Variants in VPS45 observed in about 807,000 individuals in gnomAD.
The protein encoded by VPS45 is vacuolar protein sorting-associated protein 45.
In VPS45, 35 loss-of-function variants were observed where a neutral mutation model predicts 75.9. The ratio of observed to expected loss-of-function variants is 0.46; its 90% CI spans 0.35 to 0.61. The LOEUF is 0.61. Among genes scored for constraint, VPS45 ranks in the 20% least tolerant of loss-of-function variants. VPS45 has a pLI of 0.00. For synonymous variants in VPS45, 220 were observed against 238.2 expected, an observed-to-expected ratio of 0.92 and a Z score of 0.70; for missense variants, 559 against 685.9, an observed-to-expected ratio of 0.81 and a Z score of 2.07.
Position 150,071,513 on chromosome 1 carries a change from G to A in VPS45, c.229-653G>A, listed in dbSNP as rs186454899. On this transcript the variant is annotated intron_variant, in intron 2 of 14. Coordinates refer to ENST00000644510, the MANE Select transcript of VPS45 (RefSeq NM_007259.5). ...TATAGGAATTTTGATCAGGCCAGGC[G>A]CAGTGGCTCATGCCTGTAATCCTAA... Among the ~76,000 whole-genome samples the A allele has an allele frequency of 3.3e-4, 50 of 152,286 alleles. 1 individual carries two copies. The highest frequency in any genetic ancestry group is 1.1e-3 in the Admixed American group (17 of 15,302).
At chr1:150,081,304 C>A in intron 7 of VPS45, 38 bp from the exon 8 acceptor site, 1 of 1,561,538 alleles carries the variant, frequency 6.4e-7, no homozygotes, top group Admixed American at 2.2e-5. Context: ...TTTCCATATT[C>A]TGTCAGTTAC....
chr1:150,124,128 T>C (rs911016839), intron 14 of VPS45, among the ~76,000 whole-genome samples: 2 of 152,112 alleles, frequency 1.3e-5, no homozygotes, highest in Non-Finnish European at 2.9e-5. Context: ...TAAAGGAAAG[T>C]AGGCATTCCC....
intron 13 of VPS45, chr1:150,109,488 G>A (rs1308477402): frequency 6.6e-6 from 1 of 152,050 alleles, no homozygotes; most frequent in Non-Finnish European, 1.5e-5. Context: ...GAGACAAGCA[G>A]GAAGGAAATG....
intron 7 of VPS45, among the ~76,000 whole-genome samples, chr1:150,079,447 G>C (rs1300874763): frequency 6.6e-6 from 1 of 152,056 alleles, no homozygotes; most frequent in Non-Finnish European, 1.5e-5. Flanking sequence ...GTCTCTCTCT[G>C]TCACCCAGAT....
At chr1:150,100,015 A>G (rs781804707) in intron 13 of VPS45, among the ~76,000 whole-genome samples, 8 of 152,208 alleles carry the variant, frequency 5.3e-5, no homozygotes, top group Non-Finnish European at 8.8e-5. Context: ...AGATAGAAAT[A>G]AAGTGCATCC....
At chr1:150,087,399 G>GTT (rs1656072801) in intron 10 of VPS45, among the ~76,000 whole-genome samples, 1 of 152,108 alleles carries the variant, frequency 6.6e-6, no homozygotes, top group African/African-American at 2.4e-5. Context: ...TTTTCTAATA[G>GTT]TCACAAGGCT....
rs117182963 is a variant in VPS45, at chr1:150,084,838, T to C, written c.1104+1955T>C. ...ATTTCAAACTTTCAGACTGTTACGA[T>C]GATTCAATGAGATATGTAAAATGCT... is the stretch of plus-strand genomic sequence containing the variant. On this transcript the variant is annotated intron_variant, in intron 10 of 14. Transcript: ENST00000644510. Among the ~76,000 whole-genome samples, 323 of 152,262 alleles carry C rather than the reference T, an allele frequency of 2.1e-3. 7 individuals carry two copies. In the East Asian group the frequency reaches 0.054, roughly 25 times the overall value.
At chr1:150,109,823 A>G (rs1213139988) in intron 13 of VPS45, 1 of 152,190 alleles carries the variant, frequency 6.6e-6, no homozygotes, top group Non-Finnish European at 1.5e-5. Context: ...CTGTGTTCGC[A>G]TGTCCAGTAT....
chr1:150,084,074 G>A (rs1655874693), intron 10 of VPS45, among the ~76,000 whole-genome samples: 1 of 152,158 alleles, frequency 6.6e-6, no homozygotes, highest in Non-Finnish European at 1.5e-5. Context: ...ACAAAAGAAT[G>A]AATAGAATTT....
At chr1:150,139,373 C>T (rs1553814664) in intron 14 of VPS45, among the ~76,000 whole-genome samples, 2 of 152,172 alleles carry the variant, frequency 1.3e-5, no homozygotes, top group Non-Finnish European at 2.9e-5. Flanking sequence ...AGCCTTGATC[C>T]CTTTGCACTT....
intron 14 of VPS45, among the ~76,000 whole-genome samples, chr1:150,117,601 G>A (rs1416068076): frequency 6.6e-6 from 1 of 152,122 alleles, no homozygotes; most frequent in Non-Finnish European, 1.5e-5. Context: ...GCTCAGGCCT[G>A]TAATCCCAGC....
chr1:150,136,354 G>A lies in VPS45; in HGVS notation c.1626-8355G>A, dbSNP rs1279590910. 5.3e-5 allele frequency among the ~76,000 whole-genome samples: 8 copies of A among 151,526 alleles called. No homozygotes were observed. The East Asian group carries it at 1.6e-3, about 30-fold the overall frequency. ...GGATCACCTGAGGTCAGGAGTTCAA[G>A]ACCAGCCTGGCCAACATGGTGAAAC... On this transcript the variant is annotated intron_variant, in intron 14 of 14. Coordinates refer to ENST00000644510, the MANE Select transcript of VPS45 (RefSeq NM_007259.5).
chr1:150,074,076 G>A (rs1379136003), intron 3 of VPS45, among the ~76,000 whole-genome samples: 4 of 148,880 alleles, frequency 2.7e-5, no homozygotes, highest in African/African-American at 5.0e-5. Flanking sequence ...GTGCAGTGTC[G>A]CCATCTCAAC....
chr1:150,082,174 G>A (rs147971146), intron 9 of VPS45, among the ~76,000 whole-genome samples, 177 bp downstream of exon 9: 1 of 152,280 alleles, frequency 6.6e-6, no homozygotes, highest in East Asian at 1.9e-4. Flanking sequence ...TAAGCCATGT[G>A]CTTCTTTCCA....
chr1:150,068,102 C>T, intron 1 of VPS45, 152 bp downstream of exon 1: 1 of 767,740 alleles, frequency 1.3e-6, no homozygotes, highest in South Asian at 1.9e-5. Flanking sequence ...TAAAGCTTGC[C>T]CGGTGGGTTT....
At chr1:150,072,136 T>C in intron 2 of VPS45, 30 bp from the exon 3 acceptor site, 1 of 1,591,398 alleles carries the variant, frequency 6.3e-7, no homozygotes, top group Non-Finnish European at 8.6e-7. Context: ...ACTCTCCTCA[T>C]ATTTTGTTTG....
intron 14 of VPS45, among the ~76,000 whole-genome samples, chr1:150,119,632 A>G (rs1553809169): frequency 6.6e-6 from 1 of 152,162 alleles, no homozygotes; most frequent in African/African-American, 2.4e-5. Flanking sequence ...GCCATGTCTT[A>G]CATGTCTTAC....
chr1:150,113,386 A>G lies in VPS45; in HGVS notation c.1625+2759A>G, dbSNP rs587706640. 6.6e-5 allele frequency among the ~76,000 whole-genome samples: 10 copies of G among 152,330 alleles called. 1 individual carries two copies. On this transcript the variant is annotated intron_variant, in intron 14 of 14. Coordinates refer to ENST00000644510, the MANE Select transcript of VPS45 (RefSeq NM_007259.5). The stretch of plus-strand genomic sequence containing the variant: ...TCATTATGTACGGAAAAGTATATAA[A>G]TGATAAACAGCTCAGTAAAACATTG...
chr1:150,116,732 A>G (rs1404321112), intron 14 of VPS45, among the ~76,000 whole-genome samples: 3 of 152,230 alleles, frequency 2.0e-5, no homozygotes, highest in Admixed American at 2.0e-4. Flanking sequence ...AGTTAATCAT[A>G]TGCTTTTAAA....
Sources: gnomAD v4.1 joint callset for allele counts (sites outside exome capture counted in the v4.1 genomes callset) on GRCh38, gnomAD v4.1.1 for gene constraint, MANE v1.5 for transcripts, NCBI Gene and HGNC (gene_info 2026-07-23, HGNC 2026-07-21) for gene names.